Variants in DNAH3 observed in about 807,000 individuals in gnomAD.
DNAH3 encodes axonemal beta dynein heavy chain 3.
DNAH3 carries 332 observed loss-of-function variants against 432.5 expected under a neutral mutation model. The ratio of observed to expected loss-of-function variants is 0.77; its 90% CI spans 0.70 to 0.84. DNAH3 has a LOEUF of 0.84. Among genes scored for constraint, DNAH3 ranks in the 40% least tolerant of loss-of-function variants. DNAH3 has a pLI of 0.00. For missense variants in DNAH3, 4,861 were observed against 5,114.0 expected, an observed-to-expected ratio of 0.95 and a Z score of 1.51; for synonymous variants, 1,956 against 1,900.2, an observed-to-expected ratio of 1.03 and a Z score of -0.76.
chr16:20,985,206 A>C, exon 48 of DNAH3: 1 of 1,614,092 alleles, frequency 6.2e-7, no homozygotes, highest in Non-Finnish European at 8.5e-7. Context: ...TAGGCACGTC[A>C]CCTGTGTTCA....
chr16:21,155,621 CAAAAAA>C lies in DNAH3; in HGVS notation c.117+3698_117+3703del, dbSNP rs369001374. ...TGGGAGACAGAGCAAGACTCCGTCT[CAAAAAA>C]AAAAAAAAAAAAAAAAAGTTTTAGT... On this transcript the variant is annotated intron_variant, in intron 1 of 61. Coordinates refer to ENST00000261383, the Ensembl canonical transcript of DNAH3. Among the ~76,000 whole-genome samples, 19 of 76,762 alleles carry C rather than the reference CAAAAAA, an allele frequency of 2.5e-4. No individual in the cohort carries two copies. In the East Asian group the frequency reaches 4.3e-3, roughly 17 times the overall value. The allele number at this position is 76,762 out of a possible 152,430, so 50.4% of individuals were successfully genotyped here. A position where few individuals can be genotyped will look rare whatever the true frequency, so the allele number is the denominator to read the frequency against.
At chr16:20,939,331 G>A (rs141495680) in intron 59 of DNAH3, among the ~76,000 whole-genome samples, 30 of 152,314 alleles carry the variant, frequency 2.0e-4, no homozygotes, top group South Asian at 6.2e-4. Context: ...GTAACCCTAG[G>A]CCGGGCACAG....
chr16:21,123,918 G>C (rs1046287403), intron 9 of DNAH3, among the ~76,000 whole-genome samples: 1 of 151,864 alleles, frequency 6.6e-6, no homozygotes, highest in African/African-American at 2.4e-5. Flanking sequence ...TCAGTCTCCT[G>C]AGTAGCTGGG....
chr16:21,089,856 G>C (rs1203038206), intron 18 of DNAH3, among the ~76,000 whole-genome samples: 1 of 151,846 alleles, frequency 6.6e-6, no homozygotes, highest in East Asian at 1.9e-4. Flanking sequence ...TAATAAGAAA[G>C]ATTATTGAAA....
intron 26 of DNAH3, among the ~76,000 whole-genome samples, chr16:21,058,526 G>T (rs1333743788): frequency 6.6e-6 from 1 of 152,136 alleles, no homozygotes; most frequent in Non-Finnish European, 1.5e-5. Context: ...TAATATTGCA[G>T]TGCTGAGTCA....
chr16:21,134,685 T>C (rs893767433), intron 6 of DNAH3, among the ~76,000 whole-genome samples: 1 of 151,884 alleles, frequency 6.6e-6, no homozygotes, highest in African/African-American at 2.4e-5. Flanking sequence ...TATTTATTTA[T>C]TTATTTATTT....
intron 60 of DNAH3, 98 bp downstream of exon 60, chr16:20,936,551 C>T: frequency 9.3e-7 from 1 of 1,070,454 alleles, no homozygotes; most frequent in Non-Finnish European, 1.4e-6. Flanking sequence ...TCTGTGGCTG[C>T]CTGCCCTCCT....
chr16:20,979,899 G>A (rs1354722515), intron 49 of DNAH3, among the ~76,000 whole-genome samples: 1 of 152,028 alleles, frequency 6.6e-6, no homozygotes, highest in Non-Finnish European at 1.5e-5. Context: ...ACAGGCATGT[G>A]CCACCACGCC....
chr16:21,102,853 C>G (rs2091867389), intron 16 of DNAH3, among the ~76,000 whole-genome samples: 1 of 151,256 alleles, frequency 6.6e-6, no homozygotes, highest in African/African-American at 2.4e-5. Context: ...TTGCAGCATC[C>G]TGGATGGATT....
chr16:20,952,953 C>T lies in DNAH3; in HGVS notation c.11072-404G>A, dbSNP rs551024061. 5.3e-5 allele frequency among the ~76,000 whole-genome samples: 8 copies of T among 152,178 alleles called. No homozygotes were observed. The East Asian group carries it at 1.5e-3, about 29-fold the overall frequency. Reference sequence around the variant, plus strand: ...TTCTGAGAATTCCCCTCCTCGAGCTCACGGGAAAAACTGAATGGCCAGCCT... The same window carrying T: ...TTCTGAGAATTCCCCTCCTCGAGCTTACGGGAAAAACTGAATGGCCAGCCT... On this transcript the variant is annotated intron_variant, in intron 55 of 61. Transcript: ENST00000261383.
exon 44 of DNAH3, chr16:20,997,391 C>G (rs1269140382): frequency 1.2e-6 from 2 of 1,614,224 alleles, no homozygotes; most frequent in Admixed American, 1.7e-5. Context: ...TAACCATGGT[C>G]AATCCACTGC....
intron 48 of DNAH3, among the ~76,000 whole-genome samples, chr16:20,983,688 A>G (rs923272218): frequency 5.3e-5 from 8 of 151,776 alleles, no homozygotes; most frequent in African/African-American, 1.9e-4. Flanking sequence ...AGGGAGCATG[A>G]TGTCTAGGTG....
intron 59 of DNAH3, among the ~76,000 whole-genome samples, chr16:20,938,225 G>C (rs564364559): frequency 6.6e-6 from 1 of 151,928 alleles, no homozygotes; most frequent in Non-Finnish European, 1.5e-5. Flanking sequence ...AACCCCGTCT[G>C]TACTAAAAAT....
At chr16:21,063,476 AT>A (rs893449823) in intron 24 of DNAH3, among the ~76,000 whole-genome samples, 5 of 147,726 alleles carry the variant, frequency 3.4e-5, no homozygotes, top group South Asian at 2.2e-4. Flanking sequence ...TATTTTATTT[AT>A]TTTTTTATTT....
chr16:21,152,138 G>A (rs1304354981), intron 1 of DNAH3, among the ~76,000 whole-genome samples: 2 of 152,110 alleles, frequency 1.3e-5, no homozygotes. Context: ...GGGGGCTGAG[G>A]CAGGAGAATC....
intron 6 of DNAH3, among the ~76,000 whole-genome samples, chr16:21,135,380 A>G (rs1001318295): frequency 2.0e-5 from 3 of 152,160 alleles, no homozygotes; most frequent in African/African-American, 7.2e-5. Context: ...AGGATGTAAC[A>G]TTTGTGCTGG....
chr16:21,067,488 A>T (rs1253792931), intron 23 of DNAH3, 69 bp from the exon 24 acceptor site: 1 of 1,559,954 alleles, frequency 6.4e-7, no homozygotes, highest in Non-Finnish European at 8.8e-7. Context: ...CATTGTATTG[A>T]ATGTGTGACC....
chr16:21,117,048 T>C (rs1046878810), intron 12 of DNAH3, among the ~76,000 whole-genome samples, 155 bp downstream of exon 12: 1 of 152,148 alleles, frequency 6.6e-6, no homozygotes, highest in African/African-American at 2.4e-5. Flanking sequence ...ATTTGTAAAG[T>C]GGGAATAAAT....
intron 49 of DNAH3, among the ~76,000 whole-genome samples, 170 bp from the exon 50 acceptor site, chr16:20,979,716 G>C (rs925137904): frequency 6.6e-6 from 1 of 151,958 alleles, no homozygotes; most frequent in Admixed American, 6.6e-5. Flanking sequence ...AGAAGGATGG[G>C]GCAGGTACAT....
Sources: allele counts gnomAD v4.1 joint callset (sites outside exome capture counted in the v4.1 genomes callset), GRCh38; gene constraint gnomAD v4.1.1; transcripts MANE v1.5; gene names NCBI Gene and HGNC (gene_info 2026-07-23, HGNC 2026-07-21).